Variants in ZNF652 observed in about 807,000 individuals in gnomAD.
ZNF652 encodes the protein zinc finger protein 652.
In ZNF652, 16 loss-of-function variants were observed where a neutral mutation model predicts 45.2. The ratio of observed to expected loss-of-function variants is 0.35; its 90% CI spans 0.24 to 0.54. The LOEUF (loss-of-function observed/expected upper bound fraction) is 0.54. Among genes scored for constraint, ZNF652 ranks in the 20% least tolerant of loss-of-function variants. ZNF652 has a pLI of 0.91. For missense variants in ZNF652, 614 were observed against 765.6 expected, an observed-to-expected ratio of 0.80 and a Z score of 2.34; for synonymous variants, 250 against 260.6, an observed-to-expected ratio of 0.96 and a Z score of 0.39.
At chr17:49,310,676 C>A (rs2069697438) in intron 5 of ZNF652, among the ~76,000 whole-genome samples, 1 of 152,116 alleles carries the variant, frequency 6.6e-6, no homozygotes, top group Non-Finnish European at 1.5e-5. Flanking sequence ...CTGAGGCAGG[C>A]AGATCGCTTG....
chr17:49,329,607 A>C (rs2143844818), intron 1 of ZNF652, among the ~76,000 whole-genome samples: 1 of 152,340 alleles, frequency 6.6e-6, no homozygotes, highest in Non-Finnish European at 1.5e-5. Flanking sequence ...TATGTCAAAC[A>C]ATTTTTAAGC....
At chr17:49,329,478 A>C (rs2070000367) in intron 1 of ZNF652, among the ~76,000 whole-genome samples, 1 of 152,212 alleles carries the variant, frequency 6.6e-6, no homozygotes, top group African/African-American at 2.4e-5. Flanking sequence ...ACAAACAAAA[A>C]CATCAAATGT....
In ZNF652 at chr17:49,296,331, AAGG is replaced by A. The variant is rs1199117469; in HGVS notation, c.*2079_*2081del. 4 of 152,698 alleles carry A rather than the reference AAGG, an allele frequency of 2.6e-5. No homozygotes were observed. The East Asian group carries it at 5.8e-4, about 22-fold the overall frequency. 9.5% of individuals were successfully genotyped at this position (152,698 alleles called of 1,614,324 possible). A position where few individuals can be genotyped will look rare whatever the true frequency, so the allele number is the denominator to read the frequency against. ...CATTATATAAGACAGGCAAAATCAG[AAGG>A]AGAAAATTTAGAAACACTAAACCAA... On this transcript the variant is annotated 3_prime_UTR_variant, in exon 6 of 6. Coordinates refer to ENST00000430262, the MANE Select transcript of ZNF652 (RefSeq NM_001145365.3).
chr17:49,350,970 C>CATATATATATAT (rs372720324), intron 1 of ZNF652, among the ~76,000 whole-genome samples: 23 of 42,222 alleles, frequency 5.4e-4, no homozygotes, highest in East Asian at 9.9e-4. Flanking sequence ...ACTCTGTCTA[C>CATATATATATAT]ATATATATAT....
intron 1 of ZNF652, among the ~76,000 whole-genome samples, chr17:49,327,025 T>A (rs1486618047): frequency 6.6e-6 from 1 of 152,160 alleles, no homozygotes; most frequent in African/African-American, 2.4e-5. Flanking sequence ...GTCTGAAAAG[T>A]TGGGGCCAAG....
chr17:49,352,091 C>G (rs1351333791), intron 1 of ZNF652, among the ~76,000 whole-genome samples: 1 of 152,202 alleles, frequency 6.6e-6, no homozygotes, highest in East Asian at 1.9e-4. Flanking sequence ...ATAATTTTAG[C>G]TTACAGATAT....
intron 1 of ZNF652, among the ~76,000 whole-genome samples, chr17:49,339,816 AG>A (rs1371749028): frequency 6.6e-6 from 1 of 152,200 alleles, no homozygotes; most frequent in Non-Finnish European, 1.5e-5. Context: ...ACGATCGCGA[AG>A]GCCGATGTAA....
At chr17:49,333,384 C>T (rs192199192) in intron 1 of ZNF652, among the ~76,000 whole-genome samples, 23 of 148,430 alleles carry the variant, frequency 1.5e-4, no homozygotes, top group African/African-American at 4.4e-4. Context: ...AAAATTAAAA[C>T]GGAAAGAATA....
intron 3 of ZNF652, among the ~76,000 whole-genome samples, chr17:49,312,413 G>T (rs1176651056): frequency 4.4e-4 from 67 of 152,176 alleles, no homozygotes. Context: ...TGATTTGCCT[G>T]CCTCAGCCTC....
chr17:49,354,089 A>G (rs1467281980), intron 1 of ZNF652, among the ~76,000 whole-genome samples: 3 of 152,212 alleles, frequency 2.0e-5, no homozygotes, highest in African/African-American at 7.2e-5. Flanking sequence ...CTTTACCATA[A>G]TCTAACAAGA....
rs551570067 is a variant in ZNF652, at chr17:49,311,258, GATC to G, written c.1309+51_1309+53del. 714 of 1,553,118 alleles carry G rather than the reference GATC, an allele frequency of 4.6e-4. 2 individuals carry two copies. The South Asian group carries it at 5.0e-3, about 11-fold the overall frequency. On this transcript the variant is annotated intron_variant, in intron 5 of 5. Transcript: ENST00000430262. ...TTTTTTAAAAAACAGACCCACAGAT[GATC>G]ATCAACAAGTGCTTGAGACATTATC...
In ZNF652 at chr17:49,305,919, T is replaced by A. The variant is rs140531904; in HGVS notation, c.1309+5393A>T. Among the ~76,000 whole-genome samples the A allele has an allele frequency of 6.6e-4, 100 of 152,296 alleles. 2 individuals are homozygous for A. The East Asian group carries it at 0.012, about 19-fold the overall frequency. Reference sequence around the variant, plus strand: ...CTGTCAGTTCATACAATGTCCTTAATCCCCACCAAAACACACTGCTGTCTC... The same window carrying A: ...CTGTCAGTTCATACAATGTCCTTAAACCCCACCAAAACACACTGCTGTCTC... On this transcript the variant is annotated intron_variant, in intron 5 of 5. Coordinates refer to ENST00000430262, the MANE Select transcript of ZNF652 (RefSeq NM_001145365.3).
rs774983114 is a variant in ZNF652 at position 49,317,849 on chromosome 17, C to G, written c.-124G>C. ...ATCACTCAAATGAAAAAAAGATATTCCTGGAAACTGTGTGCAATTCTTCCA... is the reference window on the plus strand; with the variant it reads ...ATCACTCAAATGAAAAAAAGATATTGCTGGAAACTGTGTGCAATTCTTCCA... On this transcript the variant is annotated 5_prime_UTR_variant, in exon 2 of 6. Transcript: ENST00000430262. 38 of 1,101,276 alleles carry G rather than the reference C, an allele frequency of 3.5e-5. No homozygotes were observed. The highest frequency in any genetic ancestry group is 4.2e-5 in the Non-Finnish European group (34 of 805,762). The allele number at this position is 1,101,276 out of a possible 1,614,324, so 68.2% of individuals were successfully genotyped here. A position where few individuals can be genotyped will look rare whatever the true frequency, so the allele number is the denominator to read the frequency against.
chr17:49,338,759 G>C (rs1181596630), intron 1 of ZNF652, among the ~76,000 whole-genome samples: 1 of 152,116 alleles, frequency 6.6e-6, no homozygotes, highest in Non-Finnish European at 1.5e-5. Flanking sequence ...TGGGGGCTGA[G>C]GAGACAGGAT....
At position 49,289,769 on chromosome 17, in the gene ZNF652, C is replaced by G. The variant is rs563039380; in HGVS notation, c.*8644G>C. On this transcript the variant is annotated 3_prime_UTR_variant, in exon 6 of 6. Coordinates refer to ENST00000430262, the MANE Select transcript of ZNF652 (RefSeq NM_001145365.3). ...TCTACTTGACCTTCAATTGCGTCTC[C>G]GCAGAGAGGTAGGAGAGGGACACTG... 2 of 152,308 alleles carry G rather than the reference C, an allele frequency of 1.3e-5. No homozygotes were observed. The highest frequency in any genetic ancestry group is 2.9e-5 in the Non-Finnish European group (2 of 68,106). 9.4% of individuals were successfully genotyped at this position (152,308 alleles called of 1,614,324 possible). A position where few individuals can be genotyped will look rare whatever the true frequency, so the allele number is the denominator to read the frequency against.
Position 49,298,387 on chromosome 17 carries a change from T to G in ZNF652, c.*26A>C. ...CGCTCACACATGGGGACGTGTCTCC[T>G]GGAGAACACACTAAGGAGACGGATG... On this transcript the variant is annotated 3_prime_UTR_variant, in exon 6 of 6. Coordinates refer to ENST00000430262, the MANE Select transcript of ZNF652 (RefSeq NM_001145365.3). 1 of 1,611,744 alleles carries G rather than the reference T, an allele frequency of 6.2e-7. No homozygotes were observed. The highest frequency in any genetic ancestry group is 8.5e-7 in the Non-Finnish European group (1 of 1,179,744).
At chr17:49,311,489 C>A (rs2069711098) in intron 4 of ZNF652, 33 bp from the exon 5 acceptor site, 4 of 1,602,792 alleles carry the variant, frequency 2.5e-6, no homozygotes, top group African/African-American at 1.3e-5. Context: ...TTTTGAATGC[C>A]AAGCATAGTA....
At chr17:49,346,733 C>T (rs191066914) in intron 1 of ZNF652, among the ~76,000 whole-genome samples, 1 of 152,256 alleles carries the variant, frequency 6.6e-6, no homozygotes, top group Non-Finnish European at 1.5e-5. Flanking sequence ...GATTTTATCA[C>T]ATCAAAATGT....
chr17:49,308,488 A>G (rs2069662833), intron 5 of ZNF652, among the ~76,000 whole-genome samples: 1 of 152,120 alleles, frequency 6.6e-6, no homozygotes, highest in Non-Finnish European at 1.5e-5. Flanking sequence ...CATATGAATT[A>G]CACTTTTAAT....
Sources: gnomAD v4.1 joint callset for allele counts (sites outside exome capture counted in the v4.1 genomes callset) on GRCh38, gnomAD v4.1.1 for gene constraint, MANE v1.5 for transcripts, NCBI Gene and HGNC (gene_info 2026-07-23, HGNC 2026-07-21) for gene names.